LIN7C: variants seen among roughly 807,000 people sequenced by gnomAD.
LIN7C encodes protein lin-7 homolog C.
In LIN7C, 17 loss-of-function variants were observed where a neutral mutation model predicts 24.7. The observed-to-expected ratio is 0.69, with a 90% CI of 0.47 to 1.03. The LOEUF is 1.03. Among genes scored for constraint, LIN7C ranks in the 50% least tolerant of loss-of-function variants. The probability of loss-of-function intolerance (pLI) is 0.00; values close to 1 mark genes in which losing one functional copy is unlikely to be tolerated. For missense variants in LIN7C, 204 were observed against 239.0 expected (o/e 0.85, Z 0.97); for synonymous variants, 90 against 83.4 (o/e 1.08, Z -0.43).
chr11:27,501,958 G>T, intron 1 of LIN7C, 38 bp from the exon 2 acceptor site: 1 of 1,332,554 alleles, frequency 7.5e-7, no homozygotes. Flanking sequence ...TTTCTCCAAG[G>T]GTTTTCTCAA....
chr11:27,494,722 T>C lies in LIN7C; in HGVS notation c.*3927A>G, dbSNP rs1865146128. ...GAAGCATAGCATTTGCCAGTTATTT[T>C]AAAAAACCGAGTCAATACAAATTAG... On this transcript the variant is annotated 3_prime_UTR_variant, in exon 5 of 5. Coordinates refer to ENST00000278193, the MANE Select transcript of LIN7C (RefSeq NM_018362.4). The C allele has an allele frequency of 6.6e-6, 1 of 152,190 alleles. No individual in the cohort carries two copies. The highest frequency in any genetic ancestry group is 1.5e-5 in the Non-Finnish European group (1 of 68,024). The allele number at this position is 152,190 out of a possible 1,614,324, so 9.4% of individuals were successfully genotyped here.
chr11:27,501,635 C>CGAAGTTAAAATTTCAGGG, intron 2 of LIN7C, 69 bp from the exon 3 acceptor site: 1 of 1,090,746 alleles, frequency 9.2e-7, no homozygotes, highest in South Asian at 1.4e-5. Context: ...AAATTTCAGG[C>CGAAGTTAAAATTTCAGGG]AAAGTTATGC....
At chr11:27,502,037 G>GA (rs1232460948) in intron 1 of LIN7C, 117 bp from the exon 2 acceptor site, 5 of 643,718 alleles carry the variant, frequency 7.8e-6, no homozygotes, top group African/African-American at 1.8e-5. Context: ...CAATCGAGGG[G>GA]AAAAAAAGCA....
rs1865181852 is a variant in LIN7C at position 27,497,328 on chromosome 11, T to C, written c.*1321A>G. ...TTTCAATCCATCATCTTCTAACATT[T>C]GTCACTTAAATTTTTCTTAAAGTAC... On this transcript the variant is annotated 3_prime_UTR_variant, in exon 5 of 5. Transcript: ENST00000278193. 1 of 152,586 alleles carries C rather than the reference T, an allele frequency of 6.6e-6. No individual in the cohort carries two copies. The highest frequency in any genetic ancestry group is 1.5e-5 in the Non-Finnish European group (1 of 67,994). The allele number at this position is 152,586 out of a possible 1,614,324, so 9.5% of individuals were successfully genotyped here.
Position 27,498,422 on chromosome 11 carries a change from T to G in LIN7C, c.*227A>C. ...ATTTGAAAAAGGCCTGTAAAAACAGTAGGACAGAATTGCCCTCATCACCTT... is the reference window on the plus strand; with the variant it reads ...ATTTGAAAAAGGCCTGTAAAAACAGGAGGACAGAATTGCCCTCATCACCTT... On this transcript the variant is annotated 3_prime_UTR_variant, in exon 5 of 5. Transcript: ENST00000278193. The G allele has an allele frequency of 2.5e-6, 1 of 404,528 alleles. No individual in the cohort carries two copies. The highest frequency in any genetic ancestry group is 7.5e-5 in the South Asian group (1 of 13,282). The allele number at this position is 404,528 out of a possible 1,614,324, so 25.1% of individuals were successfully genotyped here.
intron 1 of LIN7C, among the ~76,000 whole-genome samples, chr11:27,504,561 C>A (rs1489663212): frequency 1.3e-5 from 2 of 152,004 alleles, no homozygotes; most frequent in Non-Finnish European, 2.9e-5. Context: ...ACTTTCTTAC[C>A]CTGCTAAATG....
In LIN7C at chr11:27,497,485, C is replaced by A. The variant is rs1277919310; in HGVS notation, c.*1164G>T. On this transcript the variant is annotated 3_prime_UTR_variant, in exon 5 of 5. Coordinates refer to ENST00000278193, the MANE Select transcript of LIN7C (RefSeq NM_018362.4). ...TCCAGTGGACAAATGAAATATTTCT[C>A]AAATTCCCATATTTGAATCATAAAC... 1 of 152,468 alleles carries A rather than the reference C, an allele frequency of 6.6e-6. No individual in the cohort carries two copies. The highest frequency in any genetic ancestry group is 1.9e-4 in the East Asian group (1 of 5,194). The allele number at this position is 152,468 out of a possible 1,614,324, so 9.4% of individuals were successfully genotyped here.
In LIN7C at chr11:27,494,986, A is replaced by T. The variant is rs1210402876; in HGVS notation, c.*3663T>A. ...TCCACATTATAAAATATTCACAAACATGTAGTTTTTTAAGTCTACACCAGG... is the reference window on the plus strand; with the variant it reads ...TCCACATTATAAAATATTCACAAACTTGTAGTTTTTTAAGTCTACACCAGG... On this transcript the variant is annotated 3_prime_UTR_variant, in exon 5 of 5. Transcript: ENST00000278193. 1 of 152,590 alleles carries T rather than the reference A, an allele frequency of 6.6e-6. No individual in the cohort carries two copies. The highest frequency in any genetic ancestry group is 1.9e-4 in the East Asian group (1 of 5,194). The allele number at this position is 152,590 out of a possible 1,614,324, so 9.5% of individuals were successfully genotyped here.
intron 1 of LIN7C, among the ~76,000 whole-genome samples, chr11:27,505,474 C>CA (rs772699313): frequency 9.9e-5 from 15 of 152,210 alleles, no homozygotes; most frequent in Non-Finnish European, 2.2e-4. Flanking sequence ...AGGAAGATGT[C>CA]AGAGACTTAG....
chr11:27,505,449 GC>G (rs757458335), intron 1 of LIN7C, among the ~76,000 whole-genome samples: 1 of 152,230 alleles, frequency 6.6e-6, no homozygotes, highest in Non-Finnish European at 1.5e-5. Context: ...AAAACACAGT[GC>G]CACTGTGCTC....
At position 27,499,558 on chromosome 11, in the gene LIN7C, G is replaced by GC. The variant is rs1410225226; in HGVS notation, c.238dup (p.Ala80GlyfsTer7). On this transcript the variant is annotated frameshift_variant, in exon 4 of 5. Transcript: ENST00000278193. LOFTEE classifies it high-confidence loss of function. ...ATGTCCTTCACTGGCAGCAAATGCA[G>GC]CAACAGTAGCCTGAAAGAAAGTTTT... 6.2e-7 allele frequency: 1 copy of GC among 1,613,982 alleles called. No individual in the cohort carries two copies. The highest frequency in any genetic ancestry group is 1.7e-5 in the Admixed American group (1 of 59,996).
rs1287400455 is a variant in LIN7C, at chr11:27,494,690, A to G, written c.*3959T>C. 6.6e-6 allele frequency: 1 copy of G among 152,244 alleles called. No homozygotes were observed. The highest frequency in any genetic ancestry group is 1.9e-4 in the East Asian group (1 of 5,200). The allele number at this position is 152,244 out of a possible 1,614,324, so 9.4% of individuals were successfully genotyped here. ...CATTCTGGGTATTACCACAAATTTT[A>G]AAAGTAGAAGCATAGCATTTGCCAG... is the stretch of plus-strand genomic sequence containing the variant. On this transcript the variant is annotated 3_prime_UTR_variant, in exon 5 of 5. Transcript: ENST00000278193.
chr11:27,494,769 A>G lies in LIN7C; in HGVS notation c.*3880T>C, dbSNP rs147244393. The G allele has an allele frequency of 1.9e-3, 292 of 152,370 alleles. 1 individual carries two copies. Among genetic ancestry groups the G allele is most frequent in the African/African-American group, 5.6e-3 (233 of 41,596 alleles). The allele number at this position is 152,370 out of a possible 1,614,324, so 9.4% of individuals were successfully genotyped here. On this transcript the variant is annotated 3_prime_UTR_variant, in exon 5 of 5. Coordinates refer to ENST00000278193, the MANE Select transcript of LIN7C (RefSeq NM_018362.4). ...TTAGTCTCAAAGTTCTTGAAAATTA[A>G]TAAGTGATTTTTCTCACTACTTAAC...
chr11:27,499,351 A>G lies in LIN7C; in HGVS notation c.438+8T>C. 1 of 1,611,344 alleles carries G rather than the reference A, an allele frequency of 6.2e-7. No homozygotes were observed. Among genetic ancestry groups the G allele is most frequent in the Non-Finnish European group, 8.5e-7 (1 of 1,177,560 alleles). On this transcript the variant is annotated splice_region_variant and intron_variant, in intron 4 of 4. Transcript: ENST00000278193. ...ATCACTACAAATAGAAATAAAATTC[A>G]TCCTTACCACTCCATTAACAGAGAG...
chr11:27,500,090 T>C (rs371391592), intron 3 of LIN7C, among the ~76,000 whole-genome samples: 1 of 152,230 alleles, frequency 6.6e-6, no homozygotes, highest in African/African-American at 2.4e-5. Context: ...TTTTTTGTTA[T>C]GATTTTTTAG....
intron 1 of LIN7C, among the ~76,000 whole-genome samples, chr11:27,506,430 C>A (rs1011719198): frequency 3.3e-5 from 5 of 152,192 alleles, no homozygotes; most frequent in Admixed American, 3.3e-4. Context: ...CTGTGCTCAC[C>A]AAGGGAGCGC....
chr11:27,501,076 T>C (rs1205368994), intron 3 of LIN7C, among the ~76,000 whole-genome samples: 1 of 152,166 alleles, frequency 6.6e-6, no homozygotes, highest in East Asian at 1.9e-4. Context: ...CCCAGCTCTA[T>C]CATATGCTAT....
chr11:27,503,123 C>A (rs372454021), intron 1 of LIN7C, among the ~76,000 whole-genome samples: 152 of 151,918 alleles, frequency 1.0e-3, no homozygotes, highest in African/African-American at 3.2e-3. Context: ...CTACAAAAAA[C>A]CAAACAAAAC....
At chr11:27,499,220 T>A (rs1235558451) in intron 4 of LIN7C, 139 bp downstream of exon 4, 1 of 647,930 alleles carries the variant, frequency 1.5e-6, no homozygotes, top group South Asian at 2.0e-5. Context: ...AAAAAAAGGA[T>A]CACTGTATTA....
Sources: gnomAD v4.1 joint callset for allele counts (sites outside exome capture counted in the v4.1 genomes callset) on GRCh38, gnomAD v4.1.1 for gene constraint, MANE v1.5 for transcripts, NCBI Gene and HGNC (gene_info 2026-07-23, HGNC 2026-07-21) for gene names.